Variants in PRRC2B observed in about 807,000 individuals in gnomAD.
PRRC2B encodes the protein protein PRRC2B.
PRRC2B carries 68 observed loss-of-function variants against 242.3 expected under a neutral mutation model. The observed-to-expected ratio is 0.28, with a 90% CI of 0.23 to 0.34. The LOEUF (loss-of-function observed/expected upper bound fraction) is 0.34. PRRC2B is among the 10% of genes least tolerant of loss of function. The pLI, the probability that PRRC2B is intolerant of heterozygous loss-of-function variation, is 1.00. For missense variants in PRRC2B, 2,835 were observed against 2,954.8 expected (o/e 0.96, Z 0.94); for synonymous variants, 1,228 against 1,173.6 (o/e 1.05, Z -0.95).
chr9:131,413,286 A>G (rs1837552504), intron 1 of PRRC2B, among the ~76,000 whole-genome samples: 1 of 152,158 alleles, frequency 6.6e-6, no homozygotes, highest in Non-Finnish European at 1.5e-5. Flanking sequence ...CTAAGTTCCT[A>G]GCCAATCGGG....
intron 1 of PRRC2B, among the ~76,000 whole-genome samples, chr9:131,427,475 C>T (rs1838007877): frequency 1.3e-5 from 2 of 151,932 alleles, no homozygotes; most frequent in South Asian, 2.1e-4. Context: ...GGACTACAGG[C>T]GCCCACCACC....
At chr9:131,401,661 A>G (rs901310540) in intron 1 of PRRC2B, among the ~76,000 whole-genome samples, 2 of 148,770 alleles carry the variant, frequency 1.3e-5, no homozygotes, top group East Asian at 4.0e-4. Context: ...TAGTTTTTGT[A>G]TATTTTATTT....
intron 1 of PRRC2B, among the ~76,000 whole-genome samples, chr9:131,394,645 G>C (rs1344313863): frequency 6.6e-6 from 1 of 151,240 alleles, no homozygotes; most frequent in Admixed American, 6.6e-5. Flanking sequence ...GCCCGCAGCC[G>C]GGTCTCGGGG....
upstream of PRRC2B, among the ~76,000 whole-genome samples, chr9:131,391,010 C>T (rs1023470173): frequency 9.2e-5 from 14 of 151,866 alleles, no homozygotes; most frequent in African/African-American, 1.9e-4. Flanking sequence ...TGGTCTCGAA[C>T]GCCTGACCAA....
rs762253345 is a variant in PRRC2B at position 131,475,453 on chromosome 9, T to G, written c.3324T>G (p.Arg1108=). ...SIYCSSQRSG[R]GRGLREFARP... ...ACTGCAGCAGTCAGCGCAGCGGCCG[T>G]GGCCGGGGCCTGCGAGAGTTTGCGC... Residue 1108 remains arginine (R), a synonymous_variant, in exon 16 of 32, where the codon CGT becomes CGG. Coordinates refer to ENST00000683519, the MANE Select transcript of PRRC2B (RefSeq NM_013318.4). 2 of 1,583,340 alleles carry G rather than the reference T, an allele frequency of 1.3e-6. No individual in the cohort carries two copies. Among genetic ancestry groups the G allele is most frequent in the Non-Finnish European group, 1.7e-6 (2 of 1,164,400 alleles).
At chr9:131,462,424 G>T (rs929559043) in intron 11 of PRRC2B, among the ~76,000 whole-genome samples, 1 of 151,804 alleles carries the variant, frequency 6.6e-6, no homozygotes, top group African/African-American at 2.4e-5. Flanking sequence ...TGTTGCTTTG[G>T]CTGGTCTTGA....
In PRRC2B at chr9:131,494,582, C is replaced by T. The variant is rs1207058147; in HGVS notation, c.6555+96C>T. On this transcript the variant is annotated intron_variant, in intron 31 of 31. Transcript: ENST00000683519. This position sits in a 1 kb window ranked among gnomAD's most constrained non-coding sequence, Gnocchi z 4.3. ...GACTGTCCAACCTATCTGAGCGCCC[C>T]CTGTCTAAAGACAGCCATGCCCTAG... 10 of 684,030 alleles carry T rather than the reference C, an allele frequency of 1.5e-5. No individual in the cohort carries two copies. The highest frequency in any genetic ancestry group is 2.5e-5 in the Non-Finnish European group (10 of 400,822). The allele number at this position is 684,030 out of a possible 1,614,324, so 42.4% of individuals were successfully genotyped here. A position where few individuals can be genotyped will look rare whatever the true frequency, so the allele number is the denominator to read the frequency against.
At chr9:131,376,353 C>CA (rs34978838) in intron 1 of PRRC2B, among the ~76,000 whole-genome samples, 5,787 of 112,354 alleles carry the variant, frequency 0.052, 317 homozygotes, top group African/African-American at 0.15. Flanking sequence ...GACTCCATCT[C>CA]AAAAAAAAAA....
intron 1 of PRRC2B, among the ~76,000 whole-genome samples, chr9:131,406,459 T>C (rs567553569): frequency 6.6e-6 from 1 of 152,296 alleles, no homozygotes; most frequent in East Asian, 1.9e-4. Context: ...AGGCAGTTTG[T>C]GGGTTCTGGC....
At chr9:131,479,760 C>G (rs1025212391) in intron 19 of PRRC2B, among the ~76,000 whole-genome samples, 1 of 152,124 alleles carries the variant, frequency 6.6e-6, no homozygotes, top group Non-Finnish European at 1.5e-5. Context: ...GACAGATAGA[C>G]CAGCCGCAAG....
chr9:131,377,271 T>A (rs939949520), intron 1 of PRRC2B, among the ~76,000 whole-genome samples: 2 of 152,164 alleles, frequency 1.3e-5, no homozygotes, highest in African/African-American at 2.4e-5. Context: ...CACGCCACCA[T>A]GCCCAGCTAA....
intron 1 of PRRC2B, among the ~76,000 whole-genome samples, chr9:131,414,657 A>C (rs972578678): frequency 2.4e-4 from 35 of 147,678 alleles, no homozygotes; most frequent in Non-Finnish European, 4.2e-4. Context: ...TGCAACCTCT[A>C]CCTCCCGGGT....
In PRRC2B at chr9:131,476,203, C is replaced by T; in HGVS notation, c.4074C>T (p.Ser1358=). 6.2e-7 allele frequency: 1 copy of T among 1,613,570 alleles called. No homozygotes were observed. The highest frequency in any genetic ancestry group is 8.5e-7 in the Non-Finnish European group (1 of 1,179,836). The change falls in exon 16 of 32, where the codon TCC becomes TCT. Residue 1358 remains serine (S), a synonymous_variant. Transcript: ENST00000683519. The stretch of plus-strand genomic sequence containing the variant: ...AGAGTGGCACTGTGGGCCGCAGGTC[C>T]CCTGAGCTCTCCTACCAGAACTCCT... ...GDKSGTVGRR[S]PELSYQNSSD...
At chr9:131,432,857 C>A in intron 3 of PRRC2B, 63 bp downstream of exon 3, 1 of 1,557,164 alleles carries the variant, frequency 6.4e-7, no homozygotes. Flanking sequence ...CGGCATCCTT[C>A]CCTGTGGCAA....
intron 12 of PRRC2B, among the ~76,000 whole-genome samples, chr9:131,467,222 A>C (rs560214696): frequency 1.3e-5 from 2 of 152,352 alleles, no homozygotes; most frequent in African/African-American, 4.8e-5. Flanking sequence ...GGTGTGAGCC[A>C]CTGCACCCGG....
At chr9:131,472,471 A>ATT (rs749051569) in intron 14 of PRRC2B, among the ~76,000 whole-genome samples, 3,964 of 91,370 alleles carry the variant, frequency 0.043, 227 homozygotes, top group Admixed American at 0.072. Flanking sequence ...CGCCCAGCTA[A>ATT]TTTTTTTTTT....
intron 2 of PRRC2B, among the ~76,000 whole-genome samples, chr9:131,431,153 C>T (rs1042293467): frequency 1.6e-4 from 24 of 151,714 alleles, no homozygotes; most frequent in Admixed American, 3.9e-4. Flanking sequence ...TTTTTTGAGA[C>T]GGAGTCTCAC....
chr9:131,488,052 G>A lies in PRRC2B; in HGVS notation c.6181G>A (p.Ala2061Thr), dbSNP rs764642100. 3 of 1,613,320 alleles carry A rather than the reference G, an allele frequency of 1.9e-6. No homozygotes were observed. The highest frequency in any genetic ancestry group is 1.3e-5 in the African/African-American group (1 of 75,028). Residue 2061 changes from alanine to threonine, a missense_variant, in exon 28 of 32, where the codon GCT becomes ACT. By Grantham distance (58) the Ala-to-Thr change is moderately conservative. Transcript: ENST00000683519. ...CTACGAGGGCCAGCTCAGCCAGGCT[G>A]CTGGCCTGGGTGCCTCCCAGATGTT... ...LVYEGQLSQA[A>T]GLGASQMLDS...
At chr9:131,425,225 A>T (rs1837946387) in intron 1 of PRRC2B, among the ~76,000 whole-genome samples, 1 of 152,088 alleles carries the variant, frequency 6.6e-6, no homozygotes, top group Non-Finnish European at 1.5e-5. Flanking sequence ...ACCTCAGGTG[A>T]TCCTCTCGCC....
Sources: gnomAD v4.1 joint callset for allele counts (sites outside exome capture counted in the v4.1 genomes callset) on GRCh38, gnomAD v4.1.1 for gene constraint, Gnocchi (gnomAD v3.1) non-coding constraint, MANE v1.5 for transcripts, NCBI Gene and HGNC (gene_info 2026-07-23, HGNC 2026-07-21) for gene names.